The following GABRA4 variants were observed in gnomAD, a reference collection of about 807,000 sequenced individuals.
GABRA4 encodes the protein gamma-aminobutyric acid receptor subunit alpha-4.
Under a neutral mutation model 49.7 loss-of-function variants are expected in GABRA4, and 12 were observed. That is an observed-to-expected ratio of 0.24 (90% CI 0.15 to 0.39). The LOEUF is 0.39. GABRA4 is among the 10% of genes least tolerant of loss of function. The pLI is 1.00. For synonymous variants in GABRA4, 288 were observed against 240.2 expected, an observed-to-expected ratio of 1.20 and a Z score of -1.84; for missense variants, 506 against 686.0, an observed-to-expected ratio of 0.74 and a Z score of 2.93.
chr4:46,975,729 C>T (rs540881935), intron 5 of GABRA4, among the ~76,000 whole-genome samples: 12 of 151,916 alleles, frequency 7.9e-5, no homozygotes, highest in African/African-American at 1.7e-4. Flanking sequence ...GGTTGGGATG[C>T]GGGGAGTGAA....
chr4:46,978,687 CAAAAAAAAA>C lies in GABRA4; in HGVS notation c.273+335_273+343del, dbSNP rs71193889. Among the ~76,000 whole-genome samples the C allele has an allele frequency of 6.5e-4, 14 of 21,662 alleles. No individual in the cohort carries two copies. In the East Asian group the frequency reaches 8.6e-3, roughly 13 times the overall value. The allele number at this position is 21,662 out of a possible 152,430, so 14.2% of individuals were successfully genotyped here. On this transcript the variant is annotated intron_variant, in intron 3 of 8. Transcript: ENST00000264318. ...GGGCAACAAGAGCAAAACTTCATCT[CAAAAAAAAA>C]AAAAAAAAAAAAAAAAAGAAAAAGA... is the stretch of plus-strand genomic sequence containing the variant.
intron 8 of GABRA4, among the ~76,000 whole-genome samples, chr4:46,959,775 AAG>A (rs1389093827): frequency 3.4e-5 from 5 of 145,894 alleles, no homozygotes; most frequent in South Asian, 2.2e-4. Flanking sequence ...AAAAAAAAAA[AAG>A]AAAAGAAAAC....
chr4:46,968,699 T>A (rs17599367), intron 7 of GABRA4, among the ~76,000 whole-genome samples: 20,915 of 151,648 alleles, frequency 0.14, 2,033 homozygotes, highest in Admixed American at 0.32. Flanking sequence ...TACTTCGTTT[T>A]CTTAAAATAT....
intron 8 of GABRA4, among the ~76,000 whole-genome samples, chr4:46,936,690 T>G (rs1211774116): frequency 1.3e-5 from 2 of 152,208 alleles, no homozygotes; most frequent in Non-Finnish European, 2.9e-5. Flanking sequence ...TGAAAAGACA[T>G]ACCCATAGCA....
intron 8 of GABRA4, among the ~76,000 whole-genome samples, chr4:46,939,861 C>T (rs955374692): frequency 2.0e-5 from 3 of 151,876 alleles, no homozygotes; most frequent in African/African-American, 7.2e-5. Context: ...TTCTTACTCC[C>T]ATTCATAATA....
Position 46,928,402 on chromosome 4 carries a change from A to C in GABRA4, c.1488T>G (p.Thr496=), listed in dbSNP as rs568893999. 2.2e-5 allele frequency: 36 copies of C among 1,613,666 alleles called. 1 individual carries two copies. In the South Asian group the frequency reaches 3.2e-4, roughly 14 times the overall value. Reference sequence around the variant, plus strand: ...GAGGAGGAGTAGCTGACAACTTCCCAGTAGCCCCTATGGTATTAACTGTGG... The same window carrying C: ...GAGGAGGAGTAGCTGACAACTTCCCCGTAGCCCCTATGGTATTAACTGTGG... ...IKTTVNTIGA[T]GKLSATPPPS... The change falls in exon 9 of 9, where the codon ACT becomes ACG. Residue 496 remains threonine, a synonymous_variant. Transcript: ENST00000264318.
chr4:46,953,767 G>T (rs1392420478), intron 8 of GABRA4, among the ~76,000 whole-genome samples: 2 of 152,102 alleles, frequency 1.3e-5, no homozygotes, highest in Non-Finnish European at 2.9e-5. Context: ...TCAAAGTATG[G>T]CTTACACTTC....
chr4:46,951,666 T>C (rs1722175942), intron 8 of GABRA4, among the ~76,000 whole-genome samples: 1 of 151,976 alleles, frequency 6.6e-6, no homozygotes, highest in Non-Finnish European at 1.5e-5. Context: ...GGGCTTCTTC[T>C]TCCTCTATAG....
chr4:46,939,991 T>C (rs143641456), intron 8 of GABRA4, among the ~76,000 whole-genome samples: 9 of 152,060 alleles, frequency 5.9e-5, no homozygotes, highest in African/African-American at 2.2e-4. Flanking sequence ...TTTAGTTGAT[T>C]TATTCTACAG....
At chr4:46,949,724 C>T (rs1212561899) in intron 8 of GABRA4, among the ~76,000 whole-genome samples, 1 of 151,898 alleles carries the variant, frequency 6.6e-6, no homozygotes, top group Non-Finnish European at 1.5e-5. Context: ...GGGATATTAC[C>T]TATTGCAAAT....
chr4:46,983,045 C>A (rs13117953), intron 2 of GABRA4, among the ~76,000 whole-genome samples: 2 of 151,978 alleles, frequency 1.3e-5, no homozygotes, highest in African/African-American at 2.4e-5. Context: ...GTAATCCTCA[C>A]GACACCCTCC....
Position 46,977,437 on chromosome 4 carries a change from C to T in GABRA4, c.467G>A (p.Arg156Lys), listed in dbSNP as rs1382141500. 3 of 1,591,924 alleles carry T rather than the reference C, an allele frequency of 1.9e-6. No homozygotes were observed. The South Asian group carries it at 3.3e-5, about 18-fold the overall frequency. The change falls in exon 4 of 9, where the codon AGA (arginine) becomes AAA (lysine). Residue 156 changes from arginine (R) to lysine (K), a missense_variant. Coordinates refer to ENST00000264318, the MANE Select transcript of GABRA4 (RefSeq NM_000809.4). ...TAPNKLFRIMRNGTILYTMRL... is the reference protein window; with the variant it reads ...TAPNKLFRIMKNGTILYTMRL... ...CATTGTGTATAAAATAGTACCATTTCTCATAATTCTAAAAAGCTTATTTGG... is the reference window on the plus strand; with the variant it reads ...CATTGTGTATAAAATAGTACCATTTTTCATAATTCTAAAAAGCTTATTTGG...
Position 46,993,524 on chromosome 4 carries a change from C to T in GABRA4, c.-100G>A. 1.6e-6 allele frequency: 2 copies of T among 1,240,800 alleles called. No homozygotes were observed. Among genetic ancestry groups the T allele is most frequent in the Non-Finnish European group, 1.2e-6 (1 of 863,292 alleles). 76.9% of individuals were successfully genotyped at this position (1,240,800 alleles called of 1,614,324 possible). ...AGGGCAGAGAGGCTCCCGCGGCGTG[C>T]GCACACTCGCGCTCACACTCGCCCG... On this transcript the variant is annotated 5_prime_UTR_variant, in exon 1 of 9. Transcript: ENST00000264318.
intron 7 of GABRA4, among the ~76,000 whole-genome samples, chr4:46,970,832 T>C (rs1399875693): frequency 6.6e-6 from 1 of 151,574 alleles, no homozygotes; most frequent in Admixed American, 6.6e-5. Flanking sequence ...TATGTCCAGA[T>C]TCACATTTGG....
In GABRA4 at chr4:46,919,678, G is replaced by A. The variant is rs1191071688; in HGVS notation, c.*8547C>T. On this transcript the variant is annotated 3_prime_UTR_variant, in exon 9 of 9. Transcript: ENST00000264318. ...AAATTATTCAAGAGAAGAAAGAAGGGAATGGACTTCATATTCCTCAGTTTG... is the reference window on the plus strand; with the variant it reads ...AAATTATTCAAGAGAAGAAAGAAGGAAATGGACTTCATATTCCTCAGTTTG... The A allele has an allele frequency of 6.6e-6, 1 of 151,550 alleles. No homozygotes were observed. The highest frequency in any genetic ancestry group is 1.9e-4 in the East Asian group (1 of 5,192). 9.4% of individuals were successfully genotyped at this position (151,550 alleles called of 1,614,324 possible).
intron 8 of GABRA4, among the ~76,000 whole-genome samples, chr4:46,960,956 C>T (rs1242914331): frequency 6.6e-6 from 1 of 151,712 alleles, no homozygotes; most frequent in Non-Finnish European, 1.5e-5. Context: ...CAAGAATCTT[C>T]TATCATGGCT....
intron 5 of GABRA4, among the ~76,000 whole-genome samples, chr4:46,975,468 C>A (rs552074382): frequency 1.3e-5 from 2 of 152,014 alleles, no homozygotes; most frequent in East Asian, 3.9e-4. Context: ...GCTAGAATAA[C>A]CTTTTTCTTT....
intron 8 of GABRA4, among the ~76,000 whole-genome samples, chr4:46,931,195 C>T (rs1256795370): frequency 1.3e-5 from 2 of 152,174 alleles, no homozygotes; most frequent in East Asian, 3.9e-4. Context: ...GAAACAATAC[C>T]TGACATTCAC....
intron 7 of GABRA4, among the ~76,000 whole-genome samples, chr4:46,966,021 A>G (rs545028943): frequency 4.0e-5 from 6 of 148,786 alleles, no homozygotes; most frequent in African/African-American, 1.5e-4. Flanking sequence ...CACATCCAGG[A>G]ACGCTTTCTC....
Sources: gnomAD v4.1 joint callset for allele counts (sites outside exome capture counted in the v4.1 genomes callset) on GRCh38, gnomAD v4.1.1 for gene constraint, MANE v1.5 for transcripts, NCBI Gene and HGNC (gene_info 2026-07-23, HGNC 2026-07-21) for gene names.